The following HSDL2 variants were observed in gnomAD, a reference collection of about 807,000 sequenced individuals.
HSDL2 encodes the protein hydroxysteroid dehydrogenase like 2.
A neutral mutation model predicts 46.3 loss-of-function variants in HSDL2; 27 were observed. The ratio of observed to expected loss-of-function variants is 0.58; its 90% CI spans 0.43 to 0.80. The LOEUF (loss-of-function observed/expected upper bound fraction) is 0.80. Ranked by LOEUF, HSDL2 falls within the 30% of genes least tolerant of loss-of-function variation. HSDL2 has a pLI of 0.00. For missense variants in HSDL2, 451 were observed against 502.7 expected, an observed-to-expected ratio of 0.90 and a Z score of 0.98; for synonymous variants, 153 against 163.6, an observed-to-expected ratio of 0.94 and a Z score of 0.50.
rs767502815 is a variant in HSDL2, at chr9:112,459,501, C to T, written c.1068C>T (p.Val356=). The stretch of plus-strand genomic sequence containing the variant: ...ATCTGAAAAGCAAGGGTGGGAATGT[C>T]GGATATGGAGAGCCTTCTGATCAGG... ...FLDLKSKGGN[V]GYGEPSDQAD... is the part of the protein sequence containing the mutation. Residue 356 remains valine (V), a synonymous_variant, in exon 10 of 11, where the codon GTC becomes GTT. Transcript: ENST00000398805. 7.4e-6 allele frequency: 12 copies of T among 1,613,536 alleles called. No individual in the cohort carries two copies. Among genetic ancestry groups the T allele is most frequent in the East Asian group, 2.2e-5 (1 of 44,886 alleles).
intron 6 of HSDL2, among the ~76,000 whole-genome samples, chr9:112,432,053 TG>T (rs1832419480): frequency 6.6e-6 from 1 of 152,000 alleles, no homozygotes; most frequent in African/African-American, 2.4e-5. Flanking sequence ...CTAATTTTTT[TG>T]TATTATTAGT....
chr9:112,414,749 G>A (rs1831954657), intron 4 of HSDL2, among the ~76,000 whole-genome samples: 1 of 152,110 alleles, frequency 6.6e-6, no homozygotes, highest in South Asian at 2.1e-4. Context: ...AATATTGTTT[G>A]CCCCACCTCA....
intron 9 of HSDL2, among the ~76,000 whole-genome samples, chr9:112,456,678 T>C (rs148409620): frequency 1.3e-3 from 199 of 152,306 alleles, no homozygotes; most frequent in Non-Finnish European, 2.4e-3. Flanking sequence ...TCCCTGTTTC[T>C]AGCTTAGCCA....
intron 1 of HSDL2, among the ~76,000 whole-genome samples, chr9:112,391,943 C>G (rs1831354430): frequency 6.6e-6 from 1 of 151,122 alleles, no homozygotes; most frequent in African/African-American, 2.4e-5. Context: ...AGGAACTTTG[C>G]AAAAGAAGGT....
At chr9:112,438,665 T>TC in intron 7 of HSDL2, 40 bp downstream of exon 7, 1 of 1,212,994 alleles carries the variant, frequency 8.2e-7, no homozygotes, top group Non-Finnish European at 1.2e-6. Context: ...GATACGTTTT[T>TC]CCATATTTTC....
chr9:112,428,650 C>T (rs1212221615), intron 6 of HSDL2, among the ~76,000 whole-genome samples: 2 of 152,082 alleles, frequency 1.3e-5, no homozygotes, highest in Admixed American at 1.3e-4. Context: ...GTTTCATAAG[C>T]TTTTGTTTCA....
At chr9:112,442,589 CT>C (rs1358409301) in intron 8 of HSDL2, among the ~76,000 whole-genome samples, 1 of 152,142 alleles carries the variant, frequency 6.6e-6, no homozygotes, top group Non-Finnish European at 1.5e-5. Context: ...ACATTTTAGA[CT>C]TTGTGTTCTG....
At chr9:112,399,716 C>T (rs1831546016) in intron 1 of HSDL2, among the ~76,000 whole-genome samples, 1 of 152,206 alleles carries the variant, frequency 6.6e-6, no homozygotes, top group Admixed American at 6.5e-5. Flanking sequence ...CCTACTTGGA[C>T]ATCCGTTTAT....
At chr9:112,399,160 T>C (rs1564106891) in intron 1 of HSDL2, among the ~76,000 whole-genome samples, 1 of 152,060 alleles carries the variant, frequency 6.6e-6, no homozygotes, top group African/African-American at 2.4e-5. Flanking sequence ...AGCTGAGAAA[T>C]AAAGAGAGAC....
At chr9:112,453,657 T>C (rs1304385690) in intron 8 of HSDL2, among the ~76,000 whole-genome samples, 1 of 152,124 alleles carries the variant, frequency 6.6e-6, no homozygotes, top group Non-Finnish European at 1.5e-5. Flanking sequence ...CCTCCCAAAG[T>C]GCTGGAATTA....
chr9:112,427,030 A>G (rs1258768344), intron 6 of HSDL2, among the ~76,000 whole-genome samples: 2 of 151,912 alleles, frequency 1.3e-5, no homozygotes, highest in African/African-American at 4.8e-5. Context: ...CCAGATTATT[A>G]TTATATTATT....
chr9:112,393,058 G>T (rs962557833), intron 1 of HSDL2, among the ~76,000 whole-genome samples: 3 of 152,030 alleles, frequency 2.0e-5, no homozygotes, highest in Non-Finnish European at 2.9e-5. Context: ...TGGTTTTGAC[G>T]CAGGATTCGT....
At chr9:112,403,161 C>G (rs1489616741) in intron 1 of HSDL2, among the ~76,000 whole-genome samples, 2 of 151,782 alleles carry the variant, frequency 1.3e-5, no homozygotes, top group African/African-American at 2.4e-5. Flanking sequence ...AATATATTCA[C>G]AGAGTTGTGC....
intron 6 of HSDL2, among the ~76,000 whole-genome samples, chr9:112,429,055 T>C (rs1832321661): frequency 6.6e-6 from 1 of 152,140 alleles, no homozygotes; most frequent in Non-Finnish European, 1.5e-5. Context: ...CAGGCCACCA[T>C]GCCCAGCTAA....
chr9:112,418,799 C>T (rs553279001), intron 5 of HSDL2, 61 bp from the exon 6 acceptor site: 24 of 949,934 alleles, frequency 2.5e-5, no homozygotes, highest in Non-Finnish European at 3.2e-5. Context: ...TATTTCTACT[C>T]ACAAGTTAAT....
At chr9:112,437,220 A>G (rs1832547230) in intron 6 of HSDL2, among the ~76,000 whole-genome samples, 1 of 151,794 alleles carries the variant, frequency 6.6e-6, no homozygotes, top group African/African-American at 2.4e-5. Flanking sequence ...TCGGCCTCCC[A>G]CAGTGCCGGG....
At chr9:112,415,685 T>C (rs930464187) in intron 4 of HSDL2, among the ~76,000 whole-genome samples, 1 of 152,182 alleles carries the variant, frequency 6.6e-6, no homozygotes, top group Non-Finnish European at 1.5e-5. Flanking sequence ...GATTTGTTTT[T>C]TTCCATCAAG....
rs111459650 is a variant in HSDL2 at position 112,381,088 on chromosome 9, TAC to T, written c.17+936_17+937del. 1.4e-3 allele frequency among the ~76,000 whole-genome samples: 194 copies of T among 134,228 alleles called. 3 individuals are homozygous for T. The East Asian group carries it at 0.038, about 26-fold the overall frequency. 88.1% of individuals were successfully genotyped at this position (134,228 alleles called of 152,430 possible). ...TGAACATAATTTGTATACATCCGGATACACACACACACACACACACACACACA... is the reference window on the plus strand; with the variant it reads ...TGAACATAATTTGTATACATCCGGATACACACACACACACACACACACACA... On this transcript the variant is annotated intron_variant, in intron 1 of 10. Transcript: ENST00000398805.
chr9:112,420,170 G>A (rs1398259970), intron 6 of HSDL2, among the ~76,000 whole-genome samples: 2 of 152,004 alleles, frequency 1.3e-5, no homozygotes, highest in African/African-American at 2.4e-5. Context: ...GCAAAACCCC[G>A]TGTCTACTAA....
Sources: gnomAD v4.1 joint callset for allele counts (sites outside exome capture counted in the v4.1 genomes callset) on GRCh38, gnomAD v4.1.1 for gene constraint, MANE v1.5 for transcripts, NCBI Gene and HGNC (gene_info 2026-07-23, HGNC 2026-07-21) for gene names.